The following CFTR variants were observed in gnomAD, a reference collection of about 807,000 sequenced individuals.
The protein encoded by CFTR is CF transmembrane conductance regulator, also known as cystic fibrosis transmembrane conductance regulator.
In CFTR, 181 loss-of-function variants were observed where a neutral mutation model predicts 171.6. The observed-to-expected ratio is 1.05, with a 90% CI of 0.93 to 1.19. The LOEUF is 1.19. CFTR is among the 50% of genes most tolerant of loss of function. CFTR has a pLI of 0.00. For synonymous variants in CFTR, 583 were observed against 608.0 expected (o/e 0.96, Z 0.60); for missense variants, 1,968 against 1,734.7 (o/e 1.13, Z -2.39).
At chr7:117,583,937 A>G (rs1317376243) in intron 11 of CFTR, among the ~76,000 whole-genome samples, 1 of 151,508 alleles carries the variant, frequency 6.6e-6, no homozygotes, top group Non-Finnish European at 1.5e-5. Flanking sequence ...GATGTTGAGC[A>G]TTTTTTCCTG....
At chr7:117,665,958 C>T (rs575253347) in intron 26 of CFTR, among the ~76,000 whole-genome samples, 24 of 152,248 alleles carry the variant, frequency 1.6e-4, no homozygotes, top group African/African-American at 5.8e-4. Flanking sequence ...GTCTTACAGT[C>T]TGATTTATGG....
At chr7:117,665,319 C>A in intron 25 of CFTR, 140 bp from the exon 26 acceptor site, 4 of 632,818 alleles carry the variant, frequency 6.3e-6, no homozygotes, top group South Asian at 2.0e-5. Flanking sequence ...TTGTGGCTAA[C>A]GCTATATCAA....
At chr7:117,596,200 G>A (rs1339519285) in intron 15 of CFTR, among the ~76,000 whole-genome samples, 1 of 152,078 alleles carries the variant, frequency 6.6e-6, no homozygotes, top group Admixed American at 6.5e-5. Flanking sequence ...GCCAGCGCGA[G>A]TTCTGGGTGG....
At chr7:117,642,920 G>A (rs1177984182) in intron 23 of CFTR, among the ~76,000 whole-genome samples, 1 of 152,124 alleles carries the variant, frequency 6.6e-6, no homozygotes, top group Non-Finnish European at 1.5e-5. Flanking sequence ...CAATCGCCAG[G>A]TTGAGAAATG....
At chr7:117,624,468 C>A (rs1792622902) in intron 21 of CFTR, among the ~76,000 whole-genome samples, 1 of 152,136 alleles carries the variant, frequency 6.6e-6, no homozygotes, top group Non-Finnish European at 1.5e-5. Context: ...CATAGACATT[C>A]CAAGCAACCA....
intron 13 of CFTR, among the ~76,000 whole-genome samples, chr7:117,590,780 G>A (rs1370932974): frequency 6.6e-6 from 1 of 151,878 alleles, no homozygotes; most frequent in African/African-American, 2.4e-5. Flanking sequence ...TACTTTTTGT[G>A]TTAGTATTTT....
chr7:117,505,679 G>A (rs1472076955), intron 2 of CFTR, among the ~76,000 whole-genome samples: 5 of 152,188 alleles, frequency 3.3e-5, no homozygotes, highest in South Asian at 2.1e-4. Flanking sequence ...GCTGAGTCTC[G>A]TGCCAACAGC....
intron 22 of CFTR, among the ~76,000 whole-genome samples, chr7:117,639,240 GT>G (rs1003203694): frequency 2.6e-5 from 4 of 152,062 alleles, no homozygotes; most frequent in Non-Finnish European, 5.9e-5. Flanking sequence ...TACTTTACAA[GT>G]TTTTATTTTC....
intron 22 of CFTR, among the ~76,000 whole-genome samples, chr7:117,639,002 G>A (rs1241062147): frequency 2.6e-5 from 4 of 151,976 alleles, no homozygotes; most frequent in African/African-American, 9.7e-5. Context: ...CCCTTCTTGG[G>A]GGGGAAAAAA....
intron 11 of CFTR, among the ~76,000 whole-genome samples, chr7:117,580,153 A>G (rs1351607695): frequency 4.6e-5 from 7 of 152,208 alleles, no homozygotes; most frequent in Non-Finnish European, 1.5e-5. Context: ...AGTGCAAAAG[A>G]AAAAGAGAAA....
intron 3 of CFTR, among the ~76,000 whole-genome samples, chr7:117,529,511 T>C (rs1351712630): frequency 1.1e-5 from 1 of 88,794 alleles, no homozygotes; most frequent in East Asian, 3.0e-4. Flanking sequence ...AAACTTAGAG[T>C]ATAAAAAAAA....
rs34830471 is a variant in CFTR at position 117,606,603 on chromosome 7, G to C, written c.2909-71G>C. On this transcript the variant is annotated intron_variant, in intron 17 of 26. Coordinates refer to ENST00000003084, the MANE Select transcript of CFTR (RefSeq NM_000492.4). ...ATGCGTCTACTGTGATCCAAACTTA[G>C]TATTGAATATATTGATATATCTTTA... 0.032 allele frequency: 26,615 copies of C among 836,994 alleles called. 673 individuals carry two copies. Among genetic ancestry groups the C allele is most frequent in the African/African-American group, 0.047 (2,809 of 59,806 alleles). 51.8% of individuals were successfully genotyped at this position (836,994 alleles called of 1,614,324 possible). A position where few individuals can be genotyped will look rare whatever the true frequency, so the allele number is the denominator to read the frequency against.
Position 117,516,233 on chromosome 7 carries a change from AT to A in CFTR, c.273+7101del, listed in dbSNP as rs963159855. Among the ~76,000 whole-genome samples, 180 of 149,316 alleles carry A rather than the reference AT, an allele frequency of 1.2e-3. 1 individual carries two copies. Among genetic ancestry groups the A allele is most frequent in the Admixed American group, 9.3e-3 (139 of 14,942 alleles). ...TATGCATTGTTTCCAAAGGTTCAGC[AT>A]TTTTTTTTTGTTAACTCTGCTGGGA... On this transcript the variant is annotated intron_variant, in intron 3 of 26. Transcript: ENST00000003084.
At chr7:117,638,180 T>A (rs568327524) in intron 22 of CFTR, among the ~76,000 whole-genome samples, 61 of 152,314 alleles carry the variant, frequency 4.0e-4, no homozygotes, top group African/African-American at 1.4e-3. Flanking sequence ...GTCTCCCATT[T>A]TGGGGGGCAG....
At position 117,530,883 on chromosome 7, in the gene CFTR, T is replaced by C; in HGVS notation, c.274-16T>C. ...AATAAATGAAATTTAATTTCTCTGT[T>C]TTTCCCCTTTTGTAGGAAGTCACCA... On this transcript the variant is annotated splice_polypyrimidine_tract_variant and intron_variant, in intron 3 of 26. Transcript: ENST00000003084. 1.3e-6 allele frequency: 2 copies of C among 1,524,736 alleles called. No individual in the cohort carries two copies. Among genetic ancestry groups the C allele is most frequent in the South Asian group, 2.2e-5 (2 of 89,072 alleles). 94.5% of individuals were successfully genotyped at this position (1,524,736 alleles called of 1,614,324 possible).
intron 1 of CFTR, among the ~76,000 whole-genome samples, chr7:117,483,792 T>C (rs1798032728): frequency 6.6e-6 from 1 of 152,040 alleles, no homozygotes; most frequent in African/African-American, 2.4e-5. Flanking sequence ...CAGGCTGCTC[T>C]TGGAGCTCCT....
At chr7:117,561,999 T>C (rs1012655586) in intron 11 of CFTR, among the ~76,000 whole-genome samples, 3 of 152,144 alleles carry the variant, frequency 2.0e-5, no homozygotes, top group East Asian at 3.9e-4. Context: ...ATTAGATTGA[T>C]GTGAAGAAGT....
intron 24 of CFTR, among the ~76,000 whole-genome samples, chr7:117,655,715 C>A (rs1793156398): frequency 6.6e-6 from 1 of 152,140 alleles, no homozygotes; most frequent in Non-Finnish European, 1.5e-5. Flanking sequence ...AATATTCTGT[C>A]TTAGTCCATT....
intron 1 of CFTR, among the ~76,000 whole-genome samples, chr7:117,488,319 G>C (rs775406922): frequency 2.0e-5 from 3 of 151,856 alleles, no homozygotes; most frequent in Non-Finnish European, 2.9e-5. Context: ...GTCTTTCTTA[G>C]TTTAAAATAA....
Sources: gnomAD v4.1 joint callset for allele counts (sites outside exome capture counted in the v4.1 genomes callset) on GRCh38, gnomAD v4.1.1 for gene constraint, MANE v1.5 for transcripts, NCBI Gene and HGNC (gene_info 2026-07-23, HGNC 2026-07-21) for gene names.